CCDC3: variants seen among roughly 807,000 people sequenced by gnomAD.
The protein encoded by CCDC3 is coiled-coil domain-containing protein 3.
In CCDC3, 24 loss-of-function variants were observed where a neutral mutation model predicts 21.4. The observed-to-expected ratio is 1.12, with a 90% CI of 0.81 to 1.58. The LOEUF is 1.58. CCDC3 is among the 40% of genes most tolerant of loss of function. The pLI is 0.00. For missense variants in CCDC3, 425 were observed against 360.9 expected (o/e 1.18, Z -1.44); for synonymous variants, 186 against 166.0 (o/e 1.12, Z -0.93).
chr10:12,946,817 C>G (rs1021875215), intron 2 of CCDC3, among the ~76,000 whole-genome samples: 2 of 152,118 alleles, frequency 1.3e-5, no homozygotes, highest in Non-Finnish European at 2.9e-5. Flanking sequence ...ATTTTCCCTC[C>G]TATTTGGGAA....
intron 2 of CCDC3, among the ~76,000 whole-genome samples, chr10:12,910,117 G>A (rs77967964): frequency 6.6e-6 from 1 of 152,230 alleles, no homozygotes; most frequent in African/African-American, 2.4e-5. Context: ...CTGTTTATTT[G>A]GGAGAATTTA....
chr10:12,940,236 T>G (rs1330076536), intron 2 of CCDC3, among the ~76,000 whole-genome samples: 3 of 146,854 alleles, frequency 2.0e-5, no homozygotes, highest in African/African-American at 7.3e-5. Context: ...ATTGTTTTTT[T>G]TTTTTTTTTT....
chr10:12,987,849 C>T (rs956569633), intron 2 of CCDC3, among the ~76,000 whole-genome samples: 2 of 152,136 alleles, frequency 1.3e-5, no homozygotes, highest in African/African-American at 4.8e-5. Context: ...GCGCCCCTTC[C>T]AGACATATCC....
intron 5 of CCDC3, among the ~76,000 whole-genome samples, chr10:13,047,799 A>C (rs1836548268): frequency 6.6e-6 from 1 of 152,200 alleles, no homozygotes; most frequent in Non-Finnish European, 1.5e-5. Context: ...TGAACCAAAA[A>C]GCATCTGAGA....
At chr10:13,072,914 T>A (rs1339314546) in intron 4 of CCDC3, among the ~76,000 whole-genome samples, 7 of 144,634 alleles carry the variant, frequency 4.8e-5, no homozygotes, top group African/African-American at 1.8e-4. Context: ...TCACCCAGGC[T>A]AGAGTGCAGT....
intron 2 of CCDC3, among the ~76,000 whole-genome samples, chr10:12,930,638 A>G (rs925667961): frequency 1.2e-4 from 19 of 152,276 alleles, no homozygotes; most frequent in Admixed American, 1.2e-3. Context: ...TGGCAATGTC[A>G]TTGCCCTGGG....
chr10:13,029,880 G>A (rs1194442503), intron 5 of CCDC3, among the ~76,000 whole-genome samples: 1 of 152,196 alleles, frequency 6.6e-6, no homozygotes, highest in African/African-American at 2.4e-5. Flanking sequence ...ATACCTGAAA[G>A]TGACGGGGAG....
intron 3 of CCDC3, among the ~76,000 whole-genome samples, chr10:13,077,307 G>A (rs541617567): frequency 8.5e-5 from 13 of 152,260 alleles, no homozygotes; most frequent in Admixed American, 2.0e-4. Flanking sequence ...TACAAGGGAC[G>A]TGAAGGACCT....
chr10:13,088,176 A>C (rs1236396736), intron 3 of CCDC3, among the ~76,000 whole-genome samples: 5 of 152,218 alleles, frequency 3.3e-5, no homozygotes, highest in African/African-American at 1.2e-4. Flanking sequence ...AATTTATGTT[A>C]GCAAACTTAG....
At chr10:13,009,620 A>G (rs1835961623) in intron 5 of CCDC3, among the ~76,000 whole-genome samples, 3 of 152,248 alleles carry the variant, frequency 2.0e-5, no homozygotes, top group South Asian at 4.1e-4. Context: ...CCATAAATAT[A>G]TAGATAACTG....
At chr10:13,051,306 C>T (rs368764462) in intron 4 of CCDC3, among the ~76,000 whole-genome samples, 3 of 152,190 alleles carry the variant, frequency 2.0e-5, no homozygotes, top group African/African-American at 7.2e-5. Flanking sequence ...CTAACACCCA[C>T]GACCCTAGGC....
At chr10:12,901,357 C>T (rs1013641931) in intron 2 of CCDC3, among the ~76,000 whole-genome samples, 4 of 152,164 alleles carry the variant, frequency 2.6e-5, no homozygotes, top group Non-Finnish European at 5.9e-5. Flanking sequence ...CAATCCTCCA[C>T]CTCACGGGTT....
In CCDC3 at chr10:12,898,551, C is replaced by A. The variant is rs1379776293; in HGVS notation, c.678G>T (p.Arg226Ser). ...QLRERVKKVK[R>S]SLRQARKKGR... ...CCTTCTTACGCGCCTGCCGCAAGGA[C>A]CTCTTGACCTTCTTCACTCGCTCCC... The change falls in exon 3 of 3, where the codon AGG becomes AGT. Residue 226 changes from arginine (R) to serine (S), a missense_variant. By Grantham distance (110) the Arg-to-Ser change is moderately radical. Transcript: ENST00000378825. 50 of 1,614,232 alleles carry A rather than the reference C, an allele frequency of 3.1e-5. No individual in the cohort carries two copies. The highest frequency in any genetic ancestry group is 4.2e-5 in the Non-Finnish European group (49 of 1,180,034).
At chr10:13,048,084 G>C (rs1836551829) in intron 5 of CCDC3, among the ~76,000 whole-genome samples, 1 of 152,090 alleles carries the variant, frequency 6.6e-6, no homozygotes, top group Admixed American at 6.6e-5. Flanking sequence ...CTATCTGCGG[G>C]GATGTTTTGT....
intron 5 of CCDC3, among the ~76,000 whole-genome samples, chr10:13,035,250 CTTAGG>C (rs1836364167): frequency 6.6e-6 from 1 of 151,886 alleles, no homozygotes; most frequent in Non-Finnish European, 1.5e-5. Context: ...TCTAGCGTGT[CTTAGG>C]TTATTTTTTC....
chr10:13,089,881 G>A (rs1370379824), intron 3 of CCDC3, among the ~76,000 whole-genome samples: 1 of 139,802 alleles, frequency 7.2e-6, no homozygotes, highest in Non-Finnish European at 1.5e-5. Flanking sequence ...TCATTCTTAC[G>A]CCATTGCATC....
At chr10:12,990,762 G>T (rs1200273293) in intron 2 of CCDC3, among the ~76,000 whole-genome samples, 1 of 152,114 alleles carries the variant, frequency 6.6e-6, no homozygotes, top group Non-Finnish European at 1.5e-5. Flanking sequence ...GCATAACATG[G>T]TAAAACTACT....
rs1009627626 is a variant in CCDC3 at position 12,931,367 on chromosome 10, CCTT to C, written c.550-32691_550-32689del. ...GCAGATGGGGTGGAATGGGATTCAA[CCTT>C]CTTCTGGGGTTACTTCCTCTACAAC... On this transcript the variant is annotated intron_variant, in intron 2 of 2. Coordinates refer to ENST00000378825, the MANE Select transcript of CCDC3 (RefSeq NM_031455.4). Among the ~76,000 whole-genome samples, 76 of 152,062 alleles carry C rather than the reference CCTT, an allele frequency of 5.0e-4. 1 individual carries two copies. Among genetic ancestry groups the C allele is most frequent in the African/African-American group, 1.7e-3 (71 of 41,392 alleles).
chr10:13,050,979 C>T (rs1049533694), intron 4 of CCDC3, among the ~76,000 whole-genome samples: 4 of 151,984 alleles, frequency 2.6e-5, no homozygotes, highest in African/African-American at 9.7e-5. Flanking sequence ...TTTGTAGAGA[C>T]CAGGTCTCAC....
Sources: gnomAD v4.1 joint callset for allele counts (sites outside exome capture counted in the v4.1 genomes callset) on GRCh38, gnomAD v4.1.1 for gene constraint, MANE v1.5 for transcripts, NCBI Gene and HGNC (gene_info 2026-07-23, HGNC 2026-07-21) for gene names.